The following CCDC30 variants were observed in gnomAD, a reference collection of about 807,000 sequenced individuals.
CCDC30 encodes coiled-coil domain-containing protein 30.
In CCDC30, 70 loss-of-function variants were observed where a neutral mutation model predicts 100.2. The observed-to-expected ratio is 0.70, with a 90% CI of 0.58 to 0.85. The LOEUF (loss-of-function observed/expected upper bound fraction) is 0.85, where lower values mean the gene tolerates loss of function less well. Ranked by LOEUF, CCDC30 falls within the 40% of genes least tolerant of loss-of-function variation. The probability of loss-of-function intolerance (pLI) is 0.00; values close to 1 mark genes in which losing one functional copy is unlikely to be tolerated. For missense variants in CCDC30, 652 were observed against 771.2 expected (o/e 0.85, Z 1.83); for synonymous variants, 233 against 269.5 (o/e 0.86, Z 1.33).
chr1:42,548,768 C>T (rs1407557628), intron 6 of CCDC30, among the ~76,000 whole-genome samples: 1 of 152,054 alleles, frequency 6.6e-6, no homozygotes, highest in East Asian at 1.9e-4. Context: ...TTGCAATCTT[C>T]CAGTATGATG....
chr1:42,471,292 C>CCAA, intron 1 of CCDC30, among the ~76,000 whole-genome samples: 1 of 152,120 alleles, frequency 6.6e-6, no homozygotes, highest in Non-Finnish European at 1.5e-5. Context: ...CTTAGACTCC[C>CCAA]CTACTCCACC....
rs1318596657 is a variant in CCDC30, at chr1:42,535,410, A to ATTG, written c.457-30882_457-30880dup. 2.0e-5 allele frequency among the ~76,000 whole-genome samples: 3 copies of ATTG among 151,912 alleles called. No homozygotes were observed. In the South Asian group the frequency reaches 6.2e-4, roughly 32 times the overall value. ...AGTGAGGTAACTAGCTCGGGATGCC[A>ATTG]TTGTTGGAAACCAGTAGAACAGGAC... On this transcript the variant is annotated intron_variant, in intron 6 of 16. Coordinates refer to ENST00000668663, the Ensembl canonical transcript of CCDC30.
intron 10 of CCDC30, among the ~76,000 whole-genome samples, 194 bp from the exon 15 acceptor site, chr1:42,610,784 A>G (rs1035987760): frequency 6.6e-6 from 1 of 152,108 alleles, no homozygotes; most frequent in Non-Finnish European, 1.5e-5. Context: ...AGGCTGGGGA[A>G]GCAAAAGGCA....
intron 16 of CCDC30, 34 bp downstream of exon 20, chr1:42,653,477 A>G (rs1416442292): frequency 2.2e-6 from 3 of 1,353,358 alleles, no homozygotes; most frequent in Non-Finnish European, 2.1e-6. Flanking sequence ...AGTCAAGTCT[A>G]TCTGAGATGG....
At chr1:42,477,155 G>C (rs1028965957) in intron 1 of CCDC30, among the ~76,000 whole-genome samples, 2 of 151,856 alleles carry the variant, frequency 1.3e-5, no homozygotes, top group Non-Finnish European at 2.9e-5. Context: ...CAGTAGGAAG[G>C]TTGTTCAAGG....
chr1:42,473,788 C>G (rs1414949457), intron 1 of CCDC30, among the ~76,000 whole-genome samples: 1 of 152,150 alleles, frequency 6.6e-6, no homozygotes, highest in Non-Finnish European at 1.5e-5. Context: ...CTCTTACAGG[C>G]ACATTATGTG....
intron 9 of CCDC30, among the ~76,000 whole-genome samples, chr1:42,587,143 G>A (rs755719401): frequency 1.3e-4 from 20 of 152,034 alleles, no homozygotes; most frequent in Middle Eastern, 3.2e-3. Flanking sequence ...GACTACAGGC[G>A]CATGCCACCA....
intron 8 of CCDC30, among the ~76,000 whole-genome samples, chr1:42,579,328 G>A (rs1174427455): frequency 6.6e-6 from 1 of 151,796 alleles, no homozygotes. Context: ...GGCGAGGCGA[G>A]GCAAGTGGCC....
intron 10 of CCDC30, among the ~76,000 whole-genome samples, chr1:42,603,258 A>G (rs1646439334): frequency 6.6e-6 from 1 of 152,150 alleles, no homozygotes; most frequent in African/African-American, 2.4e-5. Context: ...CACATAGTGG[A>G]AAGGATAAAA....
intron 3 of CCDC30, chr1:42,483,023 TG>T: frequency 2.8e-6 from 1 of 357,342 alleles, no homozygotes; most frequent in Non-Finnish European, 5.0e-6. Context: ...AACTTGTAAG[TG>T]TATACCACTC....
At chr1:42,461,207 A>G (rs1019587016), upstream of CCDC30, among the ~76,000 whole-genome samples, 1 of 152,236 alleles carries the variant, frequency 6.6e-6, no homozygotes, top group African/African-American at 2.4e-5. Context: ...TAGAAGTACA[A>G]TAAATTTAAT....
chr1:42,501,512 T>C (rs1205239912), intron 6 of CCDC30, among the ~76,000 whole-genome samples: 2 of 152,248 alleles, frequency 1.3e-5, no homozygotes, highest in East Asian at 3.8e-4. Flanking sequence ...CTGTGTTCCT[T>C]TGGAGGAGAA....
upstream of CCDC30, chr1:42,459,751 T>C (rs967199663): frequency 5.6e-6 from 9 of 1,614,036 alleles, no homozygotes; most frequent in African/African-American, 1.1e-4. Context: ...CAGCATCAAG[T>C]GGTGGTGGCT....
intron 3 of CCDC30, among the ~76,000 whole-genome samples, chr1:42,484,533 A>G (rs1482421945): frequency 6.6e-6 from 1 of 152,178 alleles, no homozygotes; most frequent in African/African-American, 2.4e-5. Context: ...ATCAACTGAA[A>G]GCCATCTCCA....
downstream of CCDC30, among the ~76,000 whole-genome samples, chr1:42,655,867 CT>C (rs766715541): frequency 0.094 from 8,168 of 87,242 alleles, 126 homozygotes; most frequent in East Asian, 0.23. Context: ...GCTGTTTTTA[CT>C]TTTTTTTTTT....
At chr1:42,637,716 AT>A in intron 12 of CCDC30, among the ~76,000 whole-genome samples, 1 of 152,334 alleles carries the variant, frequency 6.6e-6, no homozygotes, top group Middle Eastern at 3.4e-3. Context: ...TGGAGCCCTC[AT>A]TTTGCCTCAG....
intron 9 of CCDC30, among the ~76,000 whole-genome samples, chr1:42,584,079 CA>C (rs1411938437): frequency 6.6e-6 from 1 of 152,132 alleles, no homozygotes; most frequent in Non-Finnish European, 1.5e-5. Context: ...AGATATCTAG[CA>C]GTGTTTATAA....
At chr1:42,469,451 G>A (rs1643695133) in intron 1 of CCDC30, among the ~76,000 whole-genome samples, 1 of 152,190 alleles carries the variant, frequency 6.6e-6, no homozygotes, top group African/African-American at 2.4e-5. Context: ...CAGTATAGGA[G>A]TGTGGGAGAC....
chr1:42,491,073 TTA>T (rs1393740161), intron 4 of CCDC30, among the ~76,000 whole-genome samples: 1 of 152,202 alleles, frequency 6.6e-6, no homozygotes, highest in Non-Finnish European at 1.5e-5. Flanking sequence ...TTACCAATTT[TTA>T]AATTCTAAAA....
Sources: gnomAD v4.1 joint callset for allele counts (sites outside exome capture counted in the v4.1 genomes callset) on GRCh38, gnomAD v4.1.1 for gene constraint, MANE v1.5 for transcripts, NCBI Gene and HGNC (gene_info 2026-07-23, HGNC 2026-07-21) for gene names.